Variants in LRRCC1 observed in about 807,000 individuals in gnomAD.
The protein encoded by LRRCC1 is leucine-rich repeat and coiled-coil domain-containing protein 1.
A neutral mutation model predicts 126.0 loss-of-function variants in LRRCC1; 115 were observed. The observed-to-expected ratio is 0.91, with a 90% CI of 0.78 to 1.07. LRRCC1 has a LOEUF of 1.07. Among genes scored for constraint, LRRCC1 ranks in the 50% least tolerant of loss-of-function variants. The pLI is 0.00. For synonymous variants in LRRCC1, 400 were observed against 393.4 expected, an observed-to-expected ratio of 1.02 and a Z score of -0.20; for missense variants, 1,172 against 1,175.7, an observed-to-expected ratio of 1.00 and a Z score of 0.05.
chr8:85,140,923 G>A (rs1587448840), intron 17 of LRRCC1, among the ~76,000 whole-genome samples: 1 of 152,136 alleles, frequency 6.6e-6, no homozygotes, highest in East Asian at 1.9e-4. Flanking sequence ...AATTAGCTGG[G>A]CCATGGTGGT....
Position 85,146,077 on chromosome 8 carries a change from T to C in LRRCC1, c.*566T>C, listed in dbSNP as rs566183409. The C allele has an allele frequency of 5.3e-5, 8 of 152,342 alleles. No individual in the cohort carries two copies. The highest frequency in any genetic ancestry group is 6.8e-3 in the Middle Eastern group (2 of 294). 9.4% of individuals were successfully genotyped at this position (152,342 alleles called of 1,614,324 possible). ...ATTAAAGATTACATTTAAGGTTTTA[T>C]AAATATTGTCTGTTCCTGAAGAGGA... On this transcript the variant is annotated 3_prime_UTR_variant, in exon 19 of 19. Coordinates refer to ENST00000360375, the MANE Select transcript of LRRCC1 (RefSeq NM_033402.5).
At chr8:85,137,773 C>T (rs1051454475) in intron 15 of LRRCC1, 146 bp downstream of exon 15, 16 of 572,158 alleles carry the variant, frequency 2.8e-5, no homozygotes, top group Middle Eastern at 4.9e-4. Flanking sequence ...ATAATATTTG[C>T]CCTTTTGCTC....
intron 18 of LRRCC1, 82 bp from the exon 19 acceptor site, chr8:85,145,307 T>C (rs1811596524): frequency 9.3e-7 from 1 of 1,078,818 alleles, no homozygotes; most frequent in African/African-American, 1.6e-5. Context: ...AAGAATAAAT[T>C]TTGGACCTTT....
At chr8:85,140,957 T>C (rs34997350) in intron 17 of LRRCC1, among the ~76,000 whole-genome samples, 3,121 of 152,142 alleles carry the variant, frequency 0.021, 62 homozygotes, top group Non-Finnish European at 0.032. Flanking sequence ...TCTTAGTTAC[T>C]TGGGAGGCTG....
Position 85,109,784 on chromosome 8 carries a change from G to T in LRRCC1, c.294G>T (p.Leu98Phe). ...KLCTLNLSCN[L>F]ITKVEGLEEL... ...GCACATTAAATTTGTCCTGCAATTT[G>T]ATTACAAAAGTAGAAGGTTTGTAAG... is the stretch of plus-strand genomic sequence containing the variant. The change falls in exon 2 of 19, where the codon TTG becomes TTT. Residue 98 changes from leucine (L) to phenylalanine (F), a missense_variant. Transcript: ENST00000360375. 6.4e-7 allele frequency: 1 copy of T among 1,562,744 alleles called. No homozygotes were observed. The highest frequency in any genetic ancestry group is 1.2e-5 in the South Asian group (1 of 85,068).
At position 85,145,672 on chromosome 8, in the gene LRRCC1, G is replaced by T. The variant is rs1195028153; in HGVS notation, c.*161G>T. ...ACTTTTGATCAAGTATTTATTAATT[G>T]TATAGGTTTTTTATAATAAATTGTT... On this transcript the variant is annotated 3_prime_UTR_variant, in exon 19 of 19. Transcript: ENST00000360375. The T allele has an allele frequency of 4.5e-6, 2 of 443,028 alleles. No individual in the cohort carries two copies. Among genetic ancestry groups the T allele is most frequent in the Admixed American group, 4.8e-5 (1 of 20,734 alleles). The allele number at this position is 443,028 out of a possible 1,614,324, so 27.4% of individuals were successfully genotyped here. A position where few individuals can be genotyped will look rare whatever the true frequency, so the allele number is the denominator to read the frequency against.
chr8:85,135,745 C>A, intron 13 of LRRCC1, 44 bp from the exon 14 acceptor site: 3 of 1,155,162 alleles, frequency 2.6e-6, no homozygotes, highest in Non-Finnish European at 1.1e-6. Flanking sequence ...GAAAATAAAG[C>A]ACTTAATATA....
chr8:85,138,411 G>A lies in LRRCC1; in HGVS notation c.2776G>A (p.Glu926Lys), dbSNP rs1811024999. ...TGAAACACAAGTAAAAGAAGTGAAA[G>A]AAAAATTTGAAAACAAGGAAAAGAA... The part of the protein sequence containing the change: ...HLETQVKEVK[E>K]KFENKEKKLK... The change falls in exon 17 of 19, where the codon GAA (glutamate) becomes AAA (lysine). Residue 926 changes from glutamate to lysine, a missense_variant. By Grantham distance (56) the Glu-to-Lys change is moderately conservative. Transcript: ENST00000360375. The A allele has an allele frequency of 6.2e-7, 1 of 1,612,340 alleles. No homozygotes were observed. Among genetic ancestry groups the A allele is most frequent in the East Asian group, 2.2e-5 (1 of 44,718 alleles).
At chr8:85,137,664 G>A in intron 15 of LRRCC1, 37 bp downstream of exon 15, 3 of 1,342,316 alleles carry the variant, frequency 2.2e-6, no homozygotes, top group Non-Finnish European at 2.9e-6. Context: ...AAGAGCAAAT[G>A]GCAGGTTTGC....
rs528854253 is a variant in LRRCC1 at position 85,110,370 on chromosome 8, G to A, written c.376+190G>A. ...CAAAACCACAGCTGAGTACAAAATA[G>A]AAGTTAAAACCAAGGTAATCAGTAG... On this transcript the variant is annotated intron_variant, in intron 3 of 18. Coordinates refer to ENST00000360375, the MANE Select transcript of LRRCC1 (RefSeq NM_033402.5). Among the ~76,000 whole-genome samples the A allele has an allele frequency of 4.6e-5, 7 of 152,290 alleles. No individual in the cohort carries two copies. The South Asian group carries it at 1.5e-3, about 32-fold the overall frequency.
intron 6 of LRRCC1, among the ~76,000 whole-genome samples, 172 bp from the exon 7 acceptor site, chr8:85,123,241 G>A (rs1809705431): frequency 6.6e-6 from 1 of 152,094 alleles, no homozygotes; most frequent in African/African-American, 2.4e-5. Context: ...AGTCAACATG[G>A]TAGAAGCTTG....
rs1174806749 is a variant in LRRCC1, at chr8:85,126,710, CAA to C, written c.1295_1296del (p.Gln432ArgfsTer9). Reference protein sequence around the residue: ...TYQSLVEQLDQEREKRWRAEQ... With the variant: ...TYQSLVEQLDXEREKRWRAEQ... ...TCAGTCCCTTGTTGAACAGCTAGAC[CAA>C]GAGAGAGAGAAGAGATGGAGAGCTG... On this transcript the variant is annotated frameshift_variant, in exon 9 of 19. Transcript: ENST00000360375. LOFTEE classifies it high-confidence loss of function. 7.4e-6 allele frequency: 12 copies of C among 1,611,248 alleles called. No individual in the cohort carries two copies. The highest frequency in any genetic ancestry group is 1.3e-5 in the African/African-American group (1 of 74,698).
chr8:85,115,798 T>A (rs1458722251), intron 6 of LRRCC1, among the ~76,000 whole-genome samples: 3 of 152,232 alleles, frequency 2.0e-5, no homozygotes, highest in African/African-American at 7.2e-5. Context: ...TGTCTTCCTT[T>A]ACATCTTCAT....
At chr8:85,135,532 T>C (rs1479134977) in intron 13 of LRRCC1, among the ~76,000 whole-genome samples, 3 of 152,160 alleles carry the variant, frequency 2.0e-5, no homozygotes, top group Non-Finnish European at 4.4e-5. Context: ...GTGAAAAATT[T>C]TGAGTATTAC....
At chr8:85,145,105 A>T (rs149523784) in intron 18 of LRRCC1, among the ~76,000 whole-genome samples, 1,449 of 91,084 alleles carry the variant, frequency 0.016, 31 homozygotes, top group African/African-American at 0.068. Context: ...AAATGCATAT[A>T]AATATATGTG....
Position 85,141,529 on chromosome 8 carries a change from A to G in LRRCC1, c.2976+12A>G, listed in dbSNP as rs1347486874. The G allele has an allele frequency of 6.3e-7, 1 of 1,581,844 alleles. No individual in the cohort carries two copies. Among genetic ancestry groups the G allele is most frequent in the South Asian group, 1.1e-5 (1 of 88,200 alleles). On this transcript the variant is annotated intron_variant, in intron 18 of 18. Coordinates refer to ENST00000360375, the MANE Select transcript of LRRCC1 (RefSeq NM_033402.5). ...CTGCAAATTTAAAGGTATTGTAAGT[A>G]AAATTCACTTCAATAATCAGTATAT...
intron 3 of LRRCC1, among the ~76,000 whole-genome samples, chr8:85,111,118 C>G (rs1026447445): frequency 6.6e-6 from 1 of 152,194 alleles, no homozygotes; most frequent in African/African-American, 2.4e-5. Context: ...TGTCTCACGC[C>G]TGTAATCCCA....
chr8:85,109,409 A>G (rs1002044873), intron 1 of LRRCC1, 186 bp from the exon 2 acceptor site: 17 of 561,206 alleles, frequency 3.0e-5, no homozygotes, highest in African/African-American at 2.3e-4. Context: ...AAATAATCCA[A>G]AATACTTGGT....
intron 17 of LRRCC1, among the ~76,000 whole-genome samples, chr8:85,139,743 A>G (rs1282272835): frequency 6.6e-6 from 1 of 152,230 alleles, no homozygotes; most frequent in Non-Finnish European, 1.5e-5. Context: ...CTTAATGATT[A>G]ATTCTCGTGT....
Sources: gnomAD v4.1 joint callset for allele counts (sites outside exome capture counted in the v4.1 genomes callset) on GRCh38, gnomAD v4.1.1 for gene constraint, MANE v1.5 for transcripts, NCBI Gene and HGNC (gene_info 2026-07-23, HGNC 2026-07-21) for gene names.